PSMD6: variants seen among roughly 807,000 people sequenced by gnomAD.
PSMD6 encodes the protein 26S proteasome non-ATPase regulatory subunit 6.
A neutral mutation model predicts 44.9 loss-of-function variants in PSMD6; 7 were observed. The observed-to-expected ratio is 0.16, with a 90% CI of 0.09 to 0.29. The LOEUF (loss-of-function observed/expected upper bound fraction) is 0.29, where lower values mean the gene tolerates loss of function less well. Ranked by LOEUF, PSMD6 falls within the 10% of genes least tolerant of loss-of-function variation. The pLI is 1.00. For missense variants in PSMD6, 420 were observed against 482.6 expected, an observed-to-expected ratio of 0.87 and a Z score of 1.21; for synonymous variants, 184 against 172.7, an observed-to-expected ratio of 1.07 and a Z score of -0.51.
chr3:64,010,791 A>T (rs1398971944), intron 7 of PSMD6, 27 bp from the exon 8 acceptor site: 1 of 1,582,238 alleles, frequency 6.3e-7, no homozygotes, highest in Admixed American at 1.7e-5. Context: ...GAAAAAATGA[A>T]TTATTTACCA....
intron 1 of PSMD6, 69 bp downstream of exon 1, chr3:64,023,206 C>T (rs2076161386): frequency 2.0e-6 from 3 of 1,477,834 alleles, no homozygotes; most frequent in East Asian, 2.6e-5. Context: ...AAAAAAAGTC[C>T]CCGCAGGCTC....
intron 5 of PSMD6, 101 bp from the exon 6 acceptor site, chr3:64,013,708 ACAAGTAT>A: frequency 9.2e-7 from 1 of 1,086,710 alleles, no homozygotes. Context: ...AGATAGATGA[ACAAGTAT>A]CAAATTTCTC....
chr3:64,020,201 C>T (rs1350139712), intron 2 of PSMD6, among the ~76,000 whole-genome samples: 2 of 152,036 alleles, frequency 1.3e-5, no homozygotes, highest in African/African-American at 4.8e-5. Context: ...CTTGACGGAG[C>T]CTCTGCTAAC....
chr3:64,021,355 T>A (rs71298698), intron 2 of PSMD6, among the ~76,000 whole-genome samples: 5,515 of 152,204 alleles, frequency 0.036, 134 homozygotes, highest in Non-Finnish European at 0.052. Flanking sequence ...AATATAATGC[T>A]GAATGAAAAG....
chr3:64,023,180 G>A (rs953255493), intron 1 of PSMD6, 95 bp downstream of exon 1: 6 of 1,450,294 alleles, frequency 4.1e-6, no homozygotes, highest in Admixed American at 5.2e-5. Context: ...CCGTCAGAGG[G>A]GTCTGGAGCT....
chr3:64,014,361 C>CAGAG (rs2076011252), intron 5 of PSMD6: 5 of 151,968 alleles, frequency 3.3e-5, no homozygotes, highest in Non-Finnish European at 7.4e-5. Context: ...TTTCAAAGGG[C>CAGAG]AGAGACAGAT....
chr3:64,021,204 CAG>C (rs1695090077), intron 2 of PSMD6, among the ~76,000 whole-genome samples: 1 of 151,956 alleles, frequency 6.6e-6, no homozygotes, highest in Admixed American at 6.6e-5. Flanking sequence ...AAAGCAAAAA[CAG>C]ATGAAAACAA....
chr3:64,022,919 C>G (rs2076156027), intron 1 of PSMD6: 2 of 1,459,744 alleles, frequency 1.4e-6, no homozygotes, highest in East Asian at 2.5e-5. Flanking sequence ...CACAGGCAAG[C>G]TGAACTCTCC....
At chr3:64,015,273 G>C (rs1055363487) in intron 5 of PSMD6, 3 of 152,264 alleles carry the variant, frequency 2.0e-5, no homozygotes, top group African/African-American at 7.2e-5. Flanking sequence ...GGGCAACAGT[G>C]GTCAAGACAC....
intron 5 of PSMD6, chr3:64,017,617 G>T (rs1407380531): frequency 6.6e-6 from 1 of 152,216 alleles, no homozygotes; most frequent in Admixed American, 6.5e-5. Context: ...AAGGCCAAGT[G>T]AGTTACTCAT....
In PSMD6 at chr3:64,010,713, C is replaced by T. The variant is rs147494745; in HGVS notation, c.1125G>A (p.Leu375=). The T allele has an allele frequency of 4.3e-6, 7 of 1,610,606 alleles. No individual in the cohort carries two copies. Among genetic ancestry groups the T allele is most frequent in the South Asian group, 1.1e-5 (1 of 90,884 alleles). ...QYQETIKKGD[L]LLNRVQKLSR... is the part of the protein sequence containing the mutation. Reference sequence around the variant, plus strand: ...AAAGTTTTTGAACTCTGTTTAGTAGCAGATCTCCTTTCTTGATAGTTTCTT... The same window carrying T: ...AAAGTTTTTGAACTCTGTTTAGTAGTAGATCTCCTTTCTTGATAGTTTCTT... The change falls in exon 8 of 8, where the codon CTG becomes CTA. Residue 375 remains leucine (L), a synonymous_variant. Transcript: ENST00000295901.
Position 64,017,184 on chromosome 3 carries a change from G to A in PSMD6, c.826+1415C>T, listed in dbSNP as rs142664621. The A allele has an allele frequency of 1.2e-4, 19 of 152,358 alleles. No homozygotes were observed. In the East Asian group the frequency reaches 2.9e-3, roughly 23 times the overall value. The allele number at this position is 152,358 out of a possible 1,614,324, so 9.4% of individuals were successfully genotyped here. A position where few individuals can be genotyped will look rare whatever the true frequency, so the allele number is the denominator to read the frequency against. Reference sequence around the variant, plus strand: ...TAGGGAGTGACTGCTAATGGGTGTCGGTTTCCTTTTGGGGTGATCAAGATG... The same window carrying A: ...TAGGGAGTGACTGCTAATGGGTGTCAGTTTCCTTTTGGGGTGATCAAGATG... On this transcript the variant is annotated intron_variant, in intron 5 of 7. Coordinates refer to ENST00000295901, the MANE Select transcript of PSMD6 (RefSeq NM_014814.3).
In PSMD6 at chr3:64,021,010, G is replaced by T. The variant is rs1311546711; in HGVS notation, c.351+1308C>A. 5.9e-5 allele frequency among the ~76,000 whole-genome samples: 9 copies of T among 151,966 alleles called. No individual in the cohort carries two copies. In the East Asian group the frequency reaches 1.5e-3, roughly 26 times the overall value. On this transcript the variant is annotated intron_variant, in intron 2 of 7. Coordinates refer to ENST00000295901, the MANE Select transcript of PSMD6 (RefSeq NM_014814.3). ...CAGTAATGGTGAGTACCCCTCTGGT[G>T]CCCTGATGGTGGAGTAAGCTGGCTG...
At chr3:64,019,115 T>C (rs1423976483) in intron 3 of PSMD6, 78 bp from the exon 4 acceptor site, 1 of 1,444,236 alleles carries the variant, frequency 6.9e-7, no homozygotes, top group Non-Finnish European at 9.5e-7. Flanking sequence ...TTATTTGAAA[T>C]GAGAAAACAA....
At chr3:64,016,377 GA>G (rs770096472) in intron 5 of PSMD6, 19 of 151,824 alleles carry the variant, frequency 1.3e-4, no homozygotes, top group Admixed American at 8.5e-4. Flanking sequence ...CCTAGAAAAG[GA>G]TACTACTTCC....
chr3:64,018,422 C>T (rs1415552831), intron 5 of PSMD6, 177 bp downstream of exon 5: 13 of 521,808 alleles, frequency 2.5e-5, no homozygotes, highest in Non-Finnish European at 4.5e-5. Flanking sequence ...CAGCAGGCCA[C>T]AATCTGATGA....
At position 64,015,430 on chromosome 3, in the gene PSMD6, G is replaced by A. The variant is rs544575086; in HGVS notation, c.827-1823C>T. ...AACGACCTCGTTTTCTATCAGTAGA[G>A]GATAAATTATGGCATAGCCAATACA... On this transcript the variant is annotated intron_variant, in intron 5 of 7. Transcript: ENST00000295901. 3.3e-5 allele frequency: 5 copies of A among 152,280 alleles called. No homozygotes were observed. The East Asian group carries it at 7.7e-4, about 24-fold the overall frequency. The allele number at this position is 152,280 out of a possible 1,614,324, so 9.4% of individuals were successfully genotyped here. A position where few individuals can be genotyped will look rare whatever the true frequency, so the allele number is the denominator to read the frequency against.
intron 1 of PSMD6, chr3:64,023,065 C>A (rs949079037): frequency 7.0e-7 from 1 of 1,429,058 alleles, no homozygotes; most frequent in Admixed American, 2.9e-5. Context: ...GAAGGCGGCA[C>A]AGAGAGATGC....
At chr3:64,023,661 G>C, upstream of PSMD6, 4 of 1,453,206 alleles carry the variant, frequency 2.8e-6, no homozygotes, top group Non-Finnish European at 3.6e-6. Context: ...TCCCAGAGTG[G>C]GTGCAGCCCA....
Sources: gnomAD v4.1 joint callset for allele counts (sites outside exome capture counted in the v4.1 genomes callset) on GRCh38, gnomAD v4.1.1 for gene constraint, MANE v1.5 for transcripts, NCBI Gene and HGNC (gene_info 2026-07-23, HGNC 2026-07-21) for gene names.